The following KLRG1 variants were observed in gnomAD, a reference collection of about 807,000 sequenced individuals.
KLRG1 encodes the protein killer cell lectin like receptor G1, also known as killer cell lectin-like receptor subfamily G member 1.
In KLRG1, 16 loss-of-function variants were observed where a neutral mutation model predicts 21.8. The observed-to-expected ratio is 0.73, with a 90% CI of 0.50 to 1.11. KLRG1 has a LOEUF of 1.11. KLRG1 is among the 50% of genes most tolerant of loss of function. KLRG1 has a pLI of 0.00. For synonymous variants in KLRG1, 69 were observed against 75.9 expected, an observed-to-expected ratio of 0.91 and a Z score of 0.47; for missense variants, 173 against 218.3, an observed-to-expected ratio of 0.79 and a Z score of 1.31.
At chr12:9,076,390 T>C in the KLRG1 span, among the ~76,000 whole-genome samples, 1 of 152,208 alleles carries the variant, frequency 6.6e-6, no homozygotes, top group African/African-American at 2.4e-5. Flanking sequence ...TTAATGACTT[T>C]CCCAAGCTCA....
chr12:9,194,061 G>A, the KLRG1 span: 1 of 1,601,836 alleles, frequency 6.2e-7, no homozygotes, highest in Non-Finnish European at 8.5e-7. Context: ...TCAGAGATTT[G>A]TCTTTCTATA....
chr12:9,140,175 T>A, the KLRG1 span, among the ~76,000 whole-genome samples: 5 of 152,196 alleles, frequency 3.3e-5, no homozygotes, highest in Admixed American at 3.3e-4. Context: ...TGGGTAGTTG[T>A]CTGTGAAATG....
the KLRG1 span, chr12:9,192,812 A>G: frequency 0.56 from 569,558 of 1,021,928 alleles, 160,469 homozygotes; most frequent in Admixed American, 0.65. Flanking sequence ...CAAAATGAAT[A>G]GTTACAACGG....
chr12:9,156,322 C>G, the KLRG1 span: 1 of 209,872 alleles, frequency 4.8e-6, no homozygotes, highest in African/African-American at 2.3e-5. Context: ...CACCCTTTGT[C>G]CTACTGACCA....
chr12:9,094,987 C>T, the KLRG1 span: 8 of 1,562,640 alleles, frequency 5.1e-6, no homozygotes, highest in South Asian at 2.5e-5. Flanking sequence ...AAAACCTACA[C>T]GTAGACCTTC....
chr12:9,017,085 G>C, the KLRG1 span, among the ~76,000 whole-genome samples: 3 of 151,530 alleles, frequency 2.0e-5, no homozygotes, highest in African/African-American at 7.3e-5. Flanking sequence ...CCAACATGGC[G>C]AAACCTTGTC....
the KLRG1 span, chr12:9,192,134 C>A: frequency 1.4e-6 from 2 of 1,416,846 alleles, no homozygotes; most frequent in Non-Finnish European, 1.0e-6. Flanking sequence ...GAACTGTCAC[C>A]GAGGGAAGGG....
the KLRG1 span, among the ~76,000 whole-genome samples, chr12:9,186,697 T>C: frequency 6.6e-6 from 1 of 152,072 alleles, no homozygotes; most frequent in Non-Finnish European, 1.5e-5. Flanking sequence ...TCATGTCCTT[T>C]CCAGGGACAT....
At chr12:9,133,676 A>C in the KLRG1 span, among the ~76,000 whole-genome samples, 52 of 152,340 alleles carry the variant, frequency 3.4e-4, no homozygotes, top group African/African-American at 1.2e-3. Flanking sequence ...CATTATAGGC[A>C]GAGGGAAGCA....
chr12:8,976,164 T>C (rs1191242191), intron 1 of KLRG1, among the ~76,000 whole-genome samples: 2 of 152,198 alleles, frequency 1.3e-5, no homozygotes, highest in Admixed American at 6.5e-5. Context: ...TATTTTGTGT[T>C]ATCATTTTTG....
Position 9,005,284 on chromosome 12 carries a change from A to C in KLRG1, c.358-3691A>C, listed in dbSNP as rs1046115131. ...TAGTTGATGGGTGCAGTAATCCACC[A>C]TGGCACGTGTATACCTATGTAACAA... On this transcript the variant is annotated intron_variant, in intron 3 of 4. Transcript: ENST00000356986. 3.3e-5 allele frequency among the ~76,000 whole-genome samples: 5 copies of C among 152,292 alleles called. No homozygotes were observed. The South Asian group carries it at 1.0e-3, about 32-fold the overall frequency.
the KLRG1 span, among the ~76,000 whole-genome samples, chr12:9,172,715 TCAAA>T: frequency 3.9e-5 from 6 of 152,014 alleles, no homozygotes; most frequent in Admixed American, 2.0e-4. Flanking sequence ...CCAACAAAGA[TCAAA>T]CAAACAAAGA....
the KLRG1 span, among the ~76,000 whole-genome samples, chr12:9,180,295 A>T: frequency 6.6e-6 from 1 of 152,172 alleles, no homozygotes; most frequent in Admixed American, 6.5e-5. Flanking sequence ...ATTGGAAAAA[A>T]CTACTTTAAA....
the KLRG1 span, chr12:9,089,082 C>G: frequency 1.3e-6 from 1 of 782,730 alleles, no homozygotes; most frequent in Non-Finnish European, 2.0e-6. Flanking sequence ...TTGTCAAATG[C>G]ATTGATGGTG....
At chr12:9,050,133 C>A in the KLRG1 span, among the ~76,000 whole-genome samples, 15 of 152,330 alleles carry the variant, frequency 9.8e-5, no homozygotes, top group Middle Eastern at 0.01. Context: ...TCTTTGTAGA[C>A]TTTCAGTTGG....
chr12:9,174,422 A>G, the KLRG1 span, among the ~76,000 whole-genome samples: 1 of 152,156 alleles, frequency 6.6e-6, no homozygotes, highest in East Asian at 1.9e-4. Flanking sequence ...AAGACAGGGA[A>G]GCCCTCTCTC....
the KLRG1 span, chr12:9,112,607 T>C: frequency 1.3e-6 from 2 of 1,550,812 alleles, no homozygotes; most frequent in Non-Finnish European, 1.8e-6. Context: ...GCTGTTGCAC[T>C]CTTCCCTGGA....
the KLRG1 span, among the ~76,000 whole-genome samples, chr12:9,210,450 T>C: frequency 1.3e-5 from 2 of 152,188 alleles, no homozygotes; most frequent in Non-Finnish European, 2.9e-5. Context: ...ACTAAAGGCT[T>C]TAAAATGTGC....
chr12:8,969,007 A>T (rs183389215), intron 1 of KLRG1, among the ~76,000 whole-genome samples: 1 of 152,346 alleles, frequency 6.6e-6, no homozygotes, highest in African/African-American at 2.4e-5. Flanking sequence ...TTATAGCATT[A>T]TTATTTTTTA....
Sources: gnomAD v4.1 joint callset for allele counts (sites outside exome capture counted in the v4.1 genomes callset) on GRCh38, gnomAD v4.1.1 for gene constraint, MANE v1.5 for transcripts, NCBI Gene and HGNC (gene_info 2026-07-23, HGNC 2026-07-21) for gene names.